The following KCNH1 variants were observed in gnomAD, a reference collection of about 807,000 sequenced individuals.
KCNH1 encodes potassium voltage-gated channel subfamily H member 1.
A neutral mutation model predicts 69.2 loss-of-function variants in KCNH1; 27 were observed. The observed-to-expected ratio is 0.39, with a 90% CI of 0.29 to 0.54. The LOEUF (loss-of-function observed/expected upper bound fraction) is 0.54, where lower values mean the gene tolerates loss of function less well. Among genes scored for constraint, KCNH1 ranks in the 20% least tolerant of loss-of-function variants. The pLI, the probability that KCNH1 is intolerant of heterozygous loss-of-function variation, is 0.68. For missense variants in KCNH1, 798 were observed against 1,261.6 expected (o/e 0.63, Z 5.57); for synonymous variants, 456 against 487.7 (o/e 0.93, Z 0.86).
intron 6 of KCNH1, among the ~76,000 whole-genome samples, chr1:210,999,825 T>C (rs1020066114): frequency 6.6e-6 from 1 of 152,120 alleles, no homozygotes; most frequent in African/African-American, 2.4e-5. Flanking sequence ...TATGATCAAG[T>C]TGGCTTCATC....
intron 7 of KCNH1, among the ~76,000 whole-genome samples, chr1:210,870,242 G>T (rs1205860382): frequency 2.0e-5 from 3 of 152,088 alleles, no homozygotes; most frequent in Non-Finnish European, 4.4e-5. Flanking sequence ...TCTGGAAGTA[G>T]AAATCACTGA....
intron 7 of KCNH1, among the ~76,000 whole-genome samples, chr1:210,837,357 C>G (rs890522892): frequency 6.6e-6 from 1 of 152,088 alleles, no homozygotes; most frequent in Non-Finnish European, 1.5e-5. Flanking sequence ...ATATTTTTAT[C>G]TGTATTAACT....
At chr1:210,752,258 T>A (rs1161390196) in intron 10 of KCNH1, among the ~76,000 whole-genome samples, 2 of 152,172 alleles carry the variant, frequency 1.3e-5, no homozygotes, top group Non-Finnish European at 2.9e-5. Context: ...CAACAAAAGG[T>A]TGTTCTTAAC....
intron 7 of KCNH1, among the ~76,000 whole-genome samples, chr1:210,843,514 G>T (rs1242171167): frequency 6.6e-6 from 1 of 152,074 alleles, no homozygotes; most frequent in African/African-American, 2.4e-5. Flanking sequence ...TAGGGTTTTG[G>T]GTTGGAATTC....
intron 4 of KCNH1, among the ~76,000 whole-genome samples, chr1:211,084,396 C>G (rs200971102): frequency 1.6e-5 from 2 of 126,688 alleles, no homozygotes; most frequent in African/African-American, 5.9e-5. Context: ...ACCACCACCA[C>G]CAGCGTGATC....
At chr1:210,904,938 G>T (rs1356612279) in intron 7 of KCNH1, among the ~76,000 whole-genome samples, 1 of 152,072 alleles carries the variant, frequency 6.6e-6, no homozygotes, top group Non-Finnish European at 1.5e-5. Flanking sequence ...AGTAACTAAG[G>T]GGATGTGAGG....
At chr1:210,970,272 C>T (rs1558547009) in intron 6 of KCNH1, among the ~76,000 whole-genome samples, 1 of 150,262 alleles carries the variant, frequency 6.7e-6, no homozygotes, top group Non-Finnish European at 1.5e-5. Context: ...CCTTGTCCCC[C>T]ACCCCCAACA....
chr1:210,864,033 G>A (rs1327134007), intron 7 of KCNH1, among the ~76,000 whole-genome samples: 1 of 152,222 alleles, frequency 6.6e-6, no homozygotes, highest in Non-Finnish European at 1.5e-5. Flanking sequence ...GGATGGAACA[G>A]CACATTCCAG....
intron 5 of KCNH1, among the ~76,000 whole-genome samples, chr1:211,039,129 A>G (rs1253690179): frequency 6.6e-6 from 1 of 152,200 alleles, no homozygotes; most frequent in Non-Finnish European, 1.5e-5. Context: ...CCTGTGTCCC[A>G]GCTGCTCCAG....
At chr1:211,063,654 T>C (rs1310296903) in intron 5 of KCNH1, 1 of 151,580 alleles carries the variant, frequency 6.6e-6, no homozygotes, top group Non-Finnish European at 1.5e-5. Flanking sequence ...GGCAGGAGAA[T>C]CCCTTGAACC....
At chr1:210,789,951 G>T (rs1261474299) in intron 9 of KCNH1, among the ~76,000 whole-genome samples, 3 of 152,150 alleles carry the variant, frequency 2.0e-5, no homozygotes, top group African/African-American at 7.2e-5. Context: ...GCCTAGGCTG[G>T]AGTGCAGTAG....
At chr1:211,084,334 T>G (rs1042948464) in intron 4 of KCNH1, among the ~76,000 whole-genome samples, 1 of 152,198 alleles carries the variant, frequency 6.6e-6, no homozygotes, top group African/African-American at 2.4e-5. Context: ...GAGTTTATTT[T>G]TCAGTCAGTT....
rs4951707 is a variant in KCNH1 at position 211,030,033 on chromosome 1, C to T, written c.559-10777G>A. Among the ~76,000 whole-genome samples the T allele has an allele frequency of 1.0e-2, 1,522 of 152,268 alleles. 49 individuals are homozygous for T. The highest frequency in any genetic ancestry group is 0.056 in the East Asian group (290 of 5,178). ...GAGATTAAAGAAATGGAGAGACATA[C>T]CATGTTCCTAAATTAGAAGACAAAA... On this transcript the variant is annotated intron_variant, in intron 5 of 10. Coordinates refer to ENST00000271751, the MANE Select transcript of KCNH1 (RefSeq NM_172362.3).
At chr1:210,893,083 G>A (rs1686782825) in intron 7 of KCNH1, among the ~76,000 whole-genome samples, 3 of 152,182 alleles carry the variant, frequency 2.0e-5, no homozygotes, top group South Asian at 2.1e-4. Context: ...AGAGAAGAAA[G>A]TTCAGGCAGA....
At chr1:211,044,776 A>C (rs367998007) in intron 5 of KCNH1, among the ~76,000 whole-genome samples, 4 of 152,030 alleles carry the variant, frequency 2.6e-5, no homozygotes, top group African/African-American at 9.7e-5. Flanking sequence ...GGATGTGGTG[A>C]AAAGGAAACA....
At chr1:210,940,816 G>T (rs1196091457) in intron 6 of KCNH1, among the ~76,000 whole-genome samples, 2 of 152,104 alleles carry the variant, frequency 1.3e-5, no homozygotes, top group Non-Finnish European at 2.9e-5. Flanking sequence ...CTTCTCCCAA[G>T]GAAATGAAAT....
intron 1 of KCNH1, among the ~76,000 whole-genome samples, chr1:211,122,628 A>C (rs1691709921): frequency 6.6e-6 from 1 of 152,262 alleles, no homozygotes; most frequent in Admixed American, 6.5e-5. Flanking sequence ...CATATACACC[A>C]TGGAATACTA....
At chr1:210,847,975 G>A (rs906302323) in intron 7 of KCNH1, among the ~76,000 whole-genome samples, 4 of 152,106 alleles carry the variant, frequency 2.6e-5, no homozygotes, top group African/African-American at 4.8e-5. Flanking sequence ...GGCAACTGTC[G>A]TTTAAGATGA....
At chr1:210,977,375 A>G (rs2102373828) in intron 6 of KCNH1, among the ~76,000 whole-genome samples, 1 of 152,206 alleles carries the variant, frequency 6.6e-6, no homozygotes, top group East Asian at 1.9e-4. Flanking sequence ...GCACACCAAC[A>G]TGGCACATGT....
Sources: gnomAD v4.1 joint callset for allele counts (sites outside exome capture counted in the v4.1 genomes callset) on GRCh38, gnomAD v4.1.1 for gene constraint, MANE v1.5 for transcripts, NCBI Gene and HGNC (gene_info 2026-07-23, HGNC 2026-07-21) for gene names.